Variants in MYO16 observed in about 807,000 individuals in gnomAD.
The protein encoded by MYO16 is myosin XVI, also known as unconventional myosin-XVI.
A neutral mutation model predicts 205.3 loss-of-function variants in MYO16; 94 were observed. The observed-to-expected ratio is 0.46, with a 90% CI of 0.39 to 0.54. MYO16 has a LOEUF of 0.54. MYO16 is among the 20% of genes least tolerant of loss of function. The probability of loss-of-function intolerance (pLI) is 0.00; values close to 1 mark genes in which losing one functional copy is unlikely to be tolerated. For missense variants in MYO16, 2,315 were observed against 2,387.5 expected (o/e 0.97, Z 0.63); for synonymous variants, 988 against 954.0 (o/e 1.04, Z -0.66).
chr13:108,657,937 C>A (rs1435366315), intron 1 of MYO16, among the ~76,000 whole-genome samples: 1 of 152,114 alleles, frequency 6.6e-6, no homozygotes, highest in African/African-American at 2.4e-5. Context: ...ATAAGCCACC[C>A]TTTCATTCTG....
chr13:108,683,382 A>C (rs1882543494), intron 2 of MYO16, among the ~76,000 whole-genome samples: 2 of 152,180 alleles, frequency 1.3e-5, no homozygotes, highest in African/African-American at 2.4e-5. Flanking sequence ...GACGACAGAC[A>C]GTAAGAATTA....
Position 108,864,760 on chromosome 13 carries a change from G to C in MYO16, c.1360-1417G>C, listed in dbSNP as rs79904395. On this transcript the variant is annotated intron_variant, in intron 11 of 34. Transcript: ENST00000457511. ...ACCCAGGCTAATCTTGAACTCCAGG[G>C]CTCAAACAATCCTCCTATCCTCCTG... 1.2e-3 allele frequency among the ~76,000 whole-genome samples: 175 copies of C among 151,974 alleles called. 1 individual carries two copies. The East Asian group carries it at 0.026, about 23-fold the overall frequency.
intron 9 of MYO16, among the ~76,000 whole-genome samples, chr13:108,828,139 A>G (rs1876387337): frequency 6.6e-6 from 1 of 152,184 alleles, no homozygotes. Flanking sequence ...CCTGTTACTT[A>G]ACCATTTGAT....
chr13:108,838,753 TACACACACACACAA>T (rs1877078692), intron 9 of MYO16, among the ~76,000 whole-genome samples: 1 of 76,902 alleles, frequency 1.3e-5, no homozygotes, highest in Non-Finnish European at 2.4e-5. Flanking sequence ...TATATATATA[TACACACACACACAA>T]ATGCACACAC....
At chr13:108,675,812 T>TTTAG (rs1424267106) in intron 2 of MYO16, among the ~76,000 whole-genome samples, 1 of 152,180 alleles carries the variant, frequency 6.6e-6, no homozygotes, top group Non-Finnish European at 1.5e-5. Flanking sequence ...ATTACTTAGG[T>TTTAG]TTAGCATCAA....
intron 23 of MYO16, among the ~76,000 whole-genome samples, chr13:109,046,681 C>G (rs886654504): frequency 6.6e-6 from 1 of 152,100 alleles, no homozygotes; most frequent in East Asian, 1.9e-4. Context: ...TTAAACTTGG[C>G]AATCAAAGGA....
At chr13:109,076,272 TTTCC>T (rs1172883348) in intron 27 of MYO16, among the ~76,000 whole-genome samples, 2 of 152,248 alleles carry the variant, frequency 1.3e-5, no homozygotes, top group Admixed American at 6.5e-5. Context: ...TCTTATCTTA[TTTCC>T]TTCCTTCTTC....
At chr13:108,844,751 G>A (rs1245967335) in intron 10 of MYO16, among the ~76,000 whole-genome samples, 1 of 152,118 alleles carries the variant, frequency 6.6e-6, no homozygotes, top group Non-Finnish European at 1.5e-5. Context: ...CAGCGCATTA[G>A]TTCTTGAATA....
At chr13:108,961,773 T>A (rs1263480164) in intron 18 of MYO16, 117 bp downstream of exon 18, 1 of 737,236 alleles carries the variant, frequency 1.4e-6, no homozygotes, top group Non-Finnish European at 2.3e-6. Context: ...TCCTCTATAG[T>A]AGAATTCAGT....
At chr13:108,961,941 C>T (rs1447227975) in intron 18 of MYO16, among the ~76,000 whole-genome samples, 1 of 152,180 alleles carries the variant, frequency 6.6e-6, no homozygotes, top group Non-Finnish European at 1.5e-5. Context: ...GTACCCTTCA[C>T]CCCACTACCC....
At chr13:108,875,988 A>G (rs1161234164) in intron 12 of MYO16, among the ~76,000 whole-genome samples, 1 of 149,922 alleles carries the variant, frequency 6.7e-6, no homozygotes, top group Non-Finnish European at 1.5e-5. Flanking sequence ...TCTCATTTAC[A>G]AAATAGAGAG....
chr13:109,128,663 G>C (rs999144013), intron 31 of MYO16, among the ~76,000 whole-genome samples: 8 of 150,904 alleles, frequency 5.3e-5, no homozygotes, highest in Non-Finnish European at 1.2e-4. Flanking sequence ...ATGTTGTTTT[G>C]AAGTATATGT....
chr13:108,662,143 T>C (rs1157062976), intron 1 of MYO16, among the ~76,000 whole-genome samples: 1 of 152,212 alleles, frequency 6.6e-6, no homozygotes, highest in African/African-American at 2.4e-5. Context: ...AAATTGTCTA[T>C]GTGTCTCTCA....
At chr13:108,836,085 G>T (rs1876902938) in intron 9 of MYO16, among the ~76,000 whole-genome samples, 2 of 152,140 alleles carry the variant, frequency 1.3e-5, no homozygotes, top group Non-Finnish European at 2.9e-5. Flanking sequence ...CAGGAAGTCT[G>T]GGAGGCAAAA....
chr13:108,740,615 T>G (rs1370181121), intron 4 of MYO16, among the ~76,000 whole-genome samples: 3 of 152,174 alleles, frequency 2.0e-5, no homozygotes, highest in Non-Finnish European at 4.4e-5. Flanking sequence ...CTGTCCGTTC[T>G]CAGATCTCAA....
At chr13:108,656,284 G>T (rs936416920) in intron 1 of MYO16, among the ~76,000 whole-genome samples, 1 of 152,090 alleles carries the variant, frequency 6.6e-6, no homozygotes, top group Non-Finnish European at 1.5e-5. Context: ...TTTATCAGGG[G>T]TTTCCATTTT....
chr13:108,621,752 C>T (rs1340771206), intron 1 of MYO16, among the ~76,000 whole-genome samples: 3 of 152,042 alleles, frequency 2.0e-5, no homozygotes, highest in African/African-American at 7.2e-5. Context: ...CATCAGTAGG[C>T]ATTTTATCAT....
At position 108,960,404 on chromosome 13, in the gene MYO16, C is replaced by A. The variant is rs114460033; in HGVS notation, c.2038-1135C>A. On this transcript the variant is annotated intron_variant, in intron 17 of 34. Transcript: ENST00000457511. ...ACAAATTTATGATTTAGGGGTTAAC[C>A]AAAAACATTTTTATATGTATATCAC... 2.0e-3 allele frequency among the ~76,000 whole-genome samples: 298 copies of A among 151,796 alleles called. 1 individual carries two copies. Among genetic ancestry groups the A allele is most frequent in the African/African-American group, 6.7e-3 (277 of 41,392 alleles).
rs1887397920 is a variant in MYO16 at position 109,055,763 on chromosome 13, C to T, written c.3335+168C>T. On this transcript the variant is annotated intron_variant, in intron 27 of 34. Coordinates refer to ENST00000457511, the MANE Select transcript of MYO16 (RefSeq NM_001198950.3). The surrounding 1 kb of genome is among the most constrained non-coding windows in gnomAD (Gnocchi z 5.0). ...AAATATTCTGGGAAACAATGAAATA[C>T]ACTGACAAAGCTCACATAAAAAATA... The T allele has an allele frequency of 1.6e-6, 1 of 606,642 alleles. No homozygotes were observed. The highest frequency in any genetic ancestry group is 1.9e-5 in the African/African-American group (1 of 54,008). 37.6% of individuals were successfully genotyped at this position (606,642 alleles called of 1,614,324 possible). A position where few individuals can be genotyped will look rare whatever the true frequency, so the allele number is the denominator to read the frequency against.
Sources: allele counts gnomAD v4.1 joint callset (sites outside exome capture counted in the v4.1 genomes callset), GRCh38; gene constraint gnomAD v4.1.1; non-coding constraint Gnocchi (gnomAD v3.1); transcripts MANE v1.5; gene names NCBI Gene and HGNC (gene_info 2026-07-23, HGNC 2026-07-21).